NFATC2: variants seen among roughly 807,000 people sequenced by gnomAD.
The protein encoded by NFATC2 is nuclear factor of activated T-cells, cytoplasmic 2.
Under a neutral mutation model 87.3 loss-of-function variants are expected in NFATC2, and 22 were observed. That is an observed-to-expected ratio of 0.25 (90% CI 0.18 to 0.36). NFATC2 has a LOEUF of 0.36. Ranked by LOEUF, NFATC2 falls within the 10% of genes least tolerant of loss-of-function variation. NFATC2 has a pLI of 1.00. For synonymous variants in NFATC2, 565 were observed against 542.2 expected, an observed-to-expected ratio of 1.04 and a Z score of -0.58; for missense variants, 1,149 against 1,259.1, an observed-to-expected ratio of 0.91 and a Z score of 1.32.
chr20:51,395,285 T>C (rs1170070282), intron 10 of NFATC2, among the ~76,000 whole-genome samples: 8 of 149,078 alleles, frequency 5.4e-5, no homozygotes, highest in Admixed American at 2.0e-4. Flanking sequence ...TGACAGGGGA[T>C]TGGGATTTGA....
In NFATC2 at chr20:51,542,534, C is replaced by A. The variant is rs752248936; in HGVS notation, c.-35G>T. Reference sequence around the variant, plus strand: ...GGCGGGAAGGCTGCGGGGCCGGGGGCGAGGGCGGGCGCGGCTGGCTCTGGG... The same window carrying A: ...GGCGGGAAGGCTGCGGGGCCGGGGGAGAGGGCGGGCGCGGCTGGCTCTGGG... On this transcript the variant is annotated 5_prime_UTR_variant, in exon 1 of 11. Coordinates refer to ENST00000371564, the MANE Select transcript of NFATC2 (RefSeq NM_012340.5). 3.7e-6 allele frequency: 5 copies of A among 1,348,872 alleles called. No homozygotes were observed. Among genetic ancestry groups the A allele is most frequent in the Non-Finnish European group, 9.5e-7 (1 of 1,052,090 alleles). The allele number at this position is 1,348,872 out of a possible 1,614,324, so 83.6% of individuals were successfully genotyped here. A position where few individuals can be genotyped will look rare whatever the true frequency, so the allele number is the denominator to read the frequency against.
chr20:51,459,811 G>A (rs984060078), intron 5 of NFATC2, among the ~76,000 whole-genome samples: 5 of 151,976 alleles, frequency 3.3e-5, no homozygotes, highest in East Asian at 1.9e-4. Context: ...CCCAGGAGGC[G>A]GATGTTGCAG....
At chr20:51,484,588 CT>C (rs1181668185) in intron 3 of NFATC2, among the ~76,000 whole-genome samples, 1 of 152,246 alleles carries the variant, frequency 6.6e-6, no homozygotes, top group African/African-American at 2.4e-5. Flanking sequence ...GCCGGAGCAG[CT>C]GCAGTCTCTC....
At chr20:51,403,056 C>T (rs1168195374) in intron 9 of NFATC2, among the ~76,000 whole-genome samples, 1 of 152,244 alleles carries the variant, frequency 6.6e-6, no homozygotes, top group African/African-American at 2.4e-5. Flanking sequence ...CTCCCCCCAA[C>T]ACATCCACAT....
chr20:51,523,660 T>C lies in NFATC2; in HGVS notation c.581A>G (p.Asn194Ser). ...ACACAGGTCGTCGGGCCCGCCGTTA[T>C]TGGGCGAGACGCAGGGCGAGGTGTA... Reference protein sequence around the residue: ...SPYTSPCVSPNNGGPDDLCPQ... With the variant: ...SPYTSPCVSPSNGGPDDLCPQ... Residue 194 changes from asparagine to serine, a missense_variant, in exon 2 of 11, where the codon AAT (asparagine) becomes AGT (serine). Transcript: ENST00000371564. This position sits in a 1 kb window ranked among gnomAD's most constrained non-coding sequence, Gnocchi z 6.9. 6.2e-7 allele frequency: 1 copy of C among 1,613,824 alleles called. No homozygotes were observed. The highest frequency in any genetic ancestry group is 1.3e-5 in the African/African-American group (1 of 75,020).
chr20:51,558,696 CT>C (rs1350547621), intron 1 of NFATC2, among the ~76,000 whole-genome samples: 1 of 152,176 alleles, frequency 6.6e-6, no homozygotes, highest in Non-Finnish European at 1.5e-5. Flanking sequence ...TAGTTAAAGC[CT>C]GGCCCAGCAG....
At chr20:51,561,480 A>AAGCAAGC (rs2077029106) in intron 1 of NFATC2, among the ~76,000 whole-genome samples, 11 of 111,236 alleles carry the variant, frequency 9.9e-5, no homozygotes, top group African/African-American at 2.6e-4. Flanking sequence ...AGAAAGAAAG[A>AAGCAAGC]AAGAAAGCAA....
At chr20:51,535,191 G>A (rs1392195609) in intron 1 of NFATC2, among the ~76,000 whole-genome samples, 2 of 152,172 alleles carry the variant, frequency 1.3e-5, no homozygotes, top group Non-Finnish European at 2.9e-5. Context: ...CCTGCAACAG[G>A]ACTCGCCAGG....
chr20:51,542,708 G>T lies in NFATC2; in HGVS notation c.-209C>A. On this transcript the variant is annotated 5_prime_UTR_variant, in exon 1 of 11. Coordinates refer to ENST00000371564, the MANE Select transcript of NFATC2 (RefSeq NM_012340.5). Reference sequence around the variant, plus strand: ...TGAGCGGCGGCGGCGACGGCGGCGCGAGCTTCCTGCTCCGGAGGCACCTGT... The same window carrying T: ...TGAGCGGCGGCGGCGACGGCGGCGCTAGCTTCCTGCTCCGGAGGCACCTGT... 1 of 1,031,778 alleles carries T rather than the reference G, an allele frequency of 9.7e-7. No individual in the cohort carries two copies. Among genetic ancestry groups the T allele is most frequent in the African/African-American group, 1.8e-5 (1 of 56,108 alleles). The allele number at this position is 1,031,778 out of a possible 1,614,324, so 63.9% of individuals were successfully genotyped here.
intron 6 of NFATC2, among the ~76,000 whole-genome samples, chr20:51,446,822 C>T (rs1018230550): frequency 2.6e-5 from 4 of 152,174 alleles, no homozygotes; most frequent in Non-Finnish European, 5.9e-5. Context: ...GGCTCCAGCC[C>T]GGGGGGCCAC....
At chr20:51,457,635 A>AGTGAGAGTCTAATC (rs1555880921) in intron 5 of NFATC2, among the ~76,000 whole-genome samples, 1 of 9,252 alleles carries the variant, frequency 1.1e-4, no homozygotes, top group African/African-American at 2.2e-4. Context: ...AAGAGAAAAC[A>AGTGAGAGTCTAATC]CGCCTTTAGC....
intron 3 of NFATC2, among the ~76,000 whole-genome samples, chr20:51,489,617 T>C (rs1285316304): frequency 6.6e-6 from 1 of 152,224 alleles, no homozygotes; most frequent in Admixed American, 6.5e-5. Flanking sequence ...AGGCGGCTTC[T>C]GGTTAAACAA....
At chr20:51,397,357 C>G (rs180971022) in intron 10 of NFATC2, among the ~76,000 whole-genome samples, 2 of 151,426 alleles carry the variant, frequency 1.3e-5, no homozygotes. Context: ...CAATAGGACC[C>G]TCAATAGGAC....
intron 5 of NFATC2, among the ~76,000 whole-genome samples, chr20:51,456,431 C>CA (rs908180756): frequency 2.0e-5 from 3 of 152,190 alleles, no homozygotes; most frequent in African/African-American, 7.2e-5. Flanking sequence ...TTTGAACCCT[C>CA]AAAAGCAGGT....
rs912957947 is a variant in NFATC2, at chr20:51,562,236, A to G, written c.70+324T>C. Among the ~76,000 whole-genome samples, 1 of 152,258 alleles carries G rather than the reference A, an allele frequency of 6.6e-6. No homozygotes were observed. The highest frequency in any genetic ancestry group is 2.4e-5 in the African/African-American group (1 of 41,474). ...CGAGTGCTGAAACGGTTAAACAGCCAGCGGTTAGTAGCGAGAATCCCTCCC... is the reference window on the plus strand; with the variant it reads ...CGAGTGCTGAAACGGTTAAACAGCCGGCGGTTAGTAGCGAGAATCCCTCCC... On this transcript the variant is annotated intron_variant, in intron 1 of 10. Coordinates refer to the NFATC2 transcript ENST00000414705. The surrounding 1 kb of genome is among the most constrained non-coding windows in gnomAD (Gnocchi z 5.8).
intron 8 of NFATC2, among the ~76,000 whole-genome samples, chr20:51,433,969 G>A (rs1448438214): frequency 1.3e-5 from 2 of 152,156 alleles, no homozygotes; most frequent in East Asian, 3.9e-4. Context: ...AGCCAAGGCC[G>A]GGCCACAAAT....
intron 3 of NFATC2, among the ~76,000 whole-genome samples, chr20:51,502,014 T>C (rs1046513036): frequency 6.6e-6 from 1 of 152,220 alleles, no homozygotes; most frequent in South Asian, 2.1e-4. Context: ...TTGGCTGGCA[T>C]AGTTTGACGA....
At chr20:51,484,878 G>A (rs904771603) in intron 3 of NFATC2, among the ~76,000 whole-genome samples, 1 of 152,204 alleles carries the variant, frequency 6.6e-6, no homozygotes, top group Non-Finnish European at 1.5e-5. Flanking sequence ...AGTCCTGCAG[G>A]AGGCCACTGT....
In NFATC2 at chr20:51,413,900, C is replaced by G. The variant is rs6096417; in HGVS notation, c.2723-15170G>C. On this transcript the variant is annotated intron_variant, in intron 9 of 10. Coordinates refer to ENST00000371564, the MANE Select transcript of NFATC2 (RefSeq NM_012340.5). The stretch of plus-strand genomic sequence containing the variant: ...CCTCATCTATAAAATGCCTCTGCGG[C>G]TGCCATGAGGGTTAAATGAGCTAAT... Among the ~76,000 whole-genome samples, 186 of 152,338 alleles carry G rather than the reference C, an allele frequency of 1.2e-3. 1 individual carries two copies. The highest frequency in any genetic ancestry group is 4.2e-3 in the African/African-American group (173 of 41,578).
Sources: allele counts gnomAD v4.1 joint callset (sites outside exome capture counted in the v4.1 genomes callset), GRCh38; gene constraint gnomAD v4.1.1; non-coding constraint Gnocchi (gnomAD v3.1); transcripts MANE v1.5; gene names NCBI Gene and HGNC (gene_info 2026-07-23, HGNC 2026-07-21).